The following IPO5 variants were observed in gnomAD, a reference collection of about 807,000 sequenced individuals.
IPO5 encodes importin 5.
A neutral mutation model predicts 143.3 loss-of-function variants in IPO5; 18 were observed. The ratio of observed to expected loss-of-function variants is 0.13; its 90% CI spans 0.09 to 0.19. IPO5 has a LOEUF of 0.19. IPO5 is among the 10% of genes least tolerant of loss of function. IPO5 has a pLI of 1.00. For missense variants in IPO5, 1,013 were observed against 1,336.9 expected (o/e 0.76, Z 3.78); for synonymous variants, 477 against 465.7 (o/e 1.02, Z -0.31).
chr13:97,987,841 CT>C (rs1322435267), intron 6 of IPO5: 1 of 163,308 alleles, frequency 6.1e-6, no homozygotes, highest in Non-Finnish European at 1.4e-5. Flanking sequence ...GAAAATTCTA[CT>C]TTCCAGTTTT....
chr13:97,959,694 A>G (rs775892005), intron 2 of IPO5, among the ~76,000 whole-genome samples: 8 of 152,186 alleles, frequency 5.3e-5, no homozygotes, highest in Non-Finnish European at 8.8e-5. Flanking sequence ...AGATAGCGCC[A>G]CTGCACTCCA....
chr13:97,971,123 C>G (rs1043777612), intron 3 of IPO5, among the ~76,000 whole-genome samples: 1 of 152,244 alleles, frequency 6.6e-6, no homozygotes, highest in African/African-American at 2.4e-5. Context: ...TCTGGAGCCT[C>G]TGCTCCCAGC....
intron 26 of IPO5, 109 bp from the exon 27 acceptor site, chr13:98,019,472 T>A: frequency 1.3e-6 from 1 of 781,226 alleles, no homozygotes; most frequent in Non-Finnish European, 2.1e-6. Flanking sequence ...CCATACACTT[T>A]AACATTTCTT....
intron 28 of IPO5, 26 bp from the exon 29 acceptor site, chr13:98,021,710 G>C: frequency 1.4e-6 from 2 of 1,422,400 alleles, no homozygotes; most frequent in Non-Finnish European, 1.9e-6. Flanking sequence ...TTCGTCCTAA[G>C]TCTGTGAAAA....
At chr13:97,961,041 C>T (rs1226518841) in intron 2 of IPO5, among the ~76,000 whole-genome samples, 1 of 152,172 alleles carries the variant, frequency 6.6e-6, no homozygotes, top group East Asian at 1.9e-4. Flanking sequence ...TATGGATGTG[C>T]TGATTCTGGA....
chr13:97,966,522 T>G (rs952683110), intron 2 of IPO5, among the ~76,000 whole-genome samples: 4 of 152,294 alleles, frequency 2.6e-5, no homozygotes, highest in African/African-American at 9.6e-5. Context: ...TAATTCAGTT[T>G]GCTAGTATTT....
At chr13:98,000,932 T>C in intron 13 of IPO5, 2 of 354,660 alleles carry the variant, frequency 5.6e-6, no homozygotes, top group East Asian at 5.2e-5. Context: ...CCAATATCTT[T>C]TATTTTTAAA....
At chr13:97,964,934 A>G (rs550980480) in intron 2 of IPO5, among the ~76,000 whole-genome samples, 1 of 152,312 alleles carries the variant, frequency 6.6e-6, no homozygotes, top group Non-Finnish European at 1.5e-5. Context: ...AAGACTTGGA[A>G]CCAACCAAAT....
At position 98,017,322 on chromosome 13, in the gene IPO5, T is replaced by TTTTG. The variant is rs762272316; in HGVS notation, c.2616+491_2616+494dup. ...TTTTTAAAATGTTTTATAGACTTCT[T>TTTTG]TTTGTTTGTTTGTTTGTTTGTTTTT... On this transcript the variant is annotated intron_variant, in intron 25 of 28. Coordinates refer to ENST00000651721, the MANE Select transcript of IPO5 (RefSeq NM_002271.6). Among the ~76,000 whole-genome samples, 197 of 152,002 alleles carry TTTTG rather than the reference T, an allele frequency of 1.3e-3. 1 individual carries two copies. Among genetic ancestry groups the TTTTG allele is most frequent in the African/African-American group, 3.7e-3 (155 of 41,484 alleles).
chr13:98,013,475 C>T (rs1301168947), intron 21 of IPO5, among the ~76,000 whole-genome samples: 1 of 152,152 alleles, frequency 6.6e-6, no homozygotes, highest in Non-Finnish European at 1.5e-5. Context: ...ATTCCTTTTA[C>T]GGTATCCTAT....
At chr13:97,957,744 C>A (rs1884558065) in intron 2 of IPO5, among the ~76,000 whole-genome samples, 1 of 152,048 alleles carries the variant, frequency 6.6e-6, no homozygotes, top group Non-Finnish European at 1.5e-5. Flanking sequence ...ATCATTAGGG[C>A]CTACTTGTTC....
chr13:98,002,680 C>A lies in IPO5; in HGVS notation c.1234-4C>A. 6.2e-7 allele frequency: 1 copy of A among 1,607,458 alleles called. No homozygotes were observed. Among genetic ancestry groups the A allele is most frequent in the Non-Finnish European group, 8.5e-7 (1 of 1,176,304 alleles). On this transcript the variant is annotated splice_region_variant and splice_polypyrimidine_tract_variant and intron_variant, in intron 14 of 28. Transcript: ENST00000651721. ...TTTTACTAATGAAAGGGAACATTTTCCAGCATCCAAGAGTAAGGTATGCAG... is the reference window on the plus strand; with the variant it reads ...TTTTACTAATGAAAGGGAACATTTTACAGCATCCAAGAGTAAGGTATGCAG...
In IPO5 at chr13:98,009,967, T is replaced by C. The variant is rs1889566151; in HGVS notation, c.1887T>C (p.Pro629=). The C allele has an allele frequency of 6.2e-7, 1 of 1,614,052 alleles. No homozygotes were observed. The highest frequency in any genetic ancestry group is 1.3e-5 in the African/African-American group (1 of 74,946). ...FQQYLPVVMG[P]LMKTASIKPE... ...AATACCTTCCAGTGGTTATGGGGCC[T>C]TTAATGAAGACGGCTTCAATTAAGC... The change falls in exon 19 of 29, where the codon CCT becomes CCC. Residue 629 remains proline, a synonymous_variant. Transcript: ENST00000651721.
chr13:97,971,871 G>A (rs760745386), intron 3 of IPO5, among the ~76,000 whole-genome samples: 1 of 152,082 alleles, frequency 6.6e-6, no homozygotes, highest in African/African-American at 2.4e-5. Flanking sequence ...TAATTATTGA[G>A]TATCTACTTA....
At chr13:98,007,234 C>T (rs891449481) in intron 17 of IPO5, 28 of 152,418 alleles carry the variant, frequency 1.8e-4, no homozygotes, top group African/African-American at 4.6e-4. Context: ...CAGTGCATCT[C>T]GTGGGAGGTG....
At chr13:97,990,345 A>G in intron 8 of IPO5, 88 bp from the exon 9 acceptor site, 1 of 1,193,090 alleles carries the variant, frequency 8.4e-7, no homozygotes, top group South Asian at 1.3e-5. Context: ...TTTTACTGAT[A>G]AAGAATAATT....
At chr13:98,003,441 C>G (rs1396486303) in intron 16 of IPO5, among the ~76,000 whole-genome samples, 1 of 152,150 alleles carries the variant, frequency 6.6e-6, no homozygotes, top group African/African-American at 2.4e-5. Context: ...AGATTTAAGG[C>G]AAGACCATCA....
chr13:98,018,219 A>G (rs370785341), intron 25 of IPO5, among the ~76,000 whole-genome samples: 6 of 152,192 alleles, frequency 3.9e-5, no homozygotes, highest in South Asian at 2.1e-4. Context: ...TTTATATACA[A>G]TGCTTCCACT....
intron 20 of IPO5, among the ~76,000 whole-genome samples, chr13:98,011,240 G>C (rs933004861): frequency 1.3e-5 from 2 of 151,992 alleles, no homozygotes; most frequent in African/African-American, 4.8e-5. Context: ...TTTAGATGTA[G>C]TAGAAGAGAA....
Sources: gnomAD v4.1 joint callset for allele counts (sites outside exome capture counted in the v4.1 genomes callset) on GRCh38, gnomAD v4.1.1 for gene constraint, MANE v1.5 for transcripts, NCBI Gene and HGNC (gene_info 2026-07-23, HGNC 2026-07-21) for gene names.